ROBO2: variants seen among roughly 807,000 people sequenced by gnomAD.
The protein encoded by ROBO2 is roundabout homolog 2.
Under a neutral mutation model 160.8 loss-of-function variants are expected in ROBO2, and 53 were observed. The ratio of observed to expected loss-of-function variants is 0.33; its 90% confidence interval spans 0.26 to 0.41. The LOEUF (loss-of-function observed/expected upper bound fraction) is 0.41. Ranked by LOEUF, ROBO2 falls within the 10% of genes least tolerant of loss-of-function variation. The pLI is 1.00. For synonymous variants in ROBO2, 664 were observed against 611.7 expected (o/e 1.09, Z -1.26); for missense variants, 1,577 against 1,722.4 (o/e 0.92, Z 1.49).
intron 2 of ROBO2, among the ~76,000 whole-genome samples, chr3:76,755,781 C>CT (rs1222847130): frequency 6.6e-6 from 1 of 151,784 alleles, no homozygotes; most frequent in Non-Finnish European, 1.5e-5. Flanking sequence ...AATATTTGTA[C>CT]TTTATCTCTA....
chr3:76,940,113 C>T (rs1199687165), intron 2 of ROBO2, among the ~76,000 whole-genome samples: 2 of 151,904 alleles, frequency 1.3e-5, no homozygotes, highest in African/African-American at 4.8e-5. Context: ...TCCCGAGTAG[C>T]TGGGAATACA....
rs147895893 is a variant in ROBO2, at chr3:77,185,278, C to T, written c.388+86938C>T. The stretch of plus-strand genomic sequence containing the variant: ...ATATAGATAAAGTGGAGAATTATCT[C>T]TTTGGAATGGTTGTTACAGACAGAT... On this transcript the variant is annotated intron_variant, in intron 2 of 25. Coordinates refer to ENST00000461745, the Ensembl canonical transcript of ROBO2. 2.1e-3 allele frequency among the ~76,000 whole-genome samples: 318 copies of T among 151,898 alleles called. 1 individual carries two copies. The highest frequency in any genetic ancestry group is 7.3e-3 in the African/African-American group (301 of 41,458).
chr3:76,180,304 T>G (rs2107093830), intron 2 of ROBO2, among the ~76,000 whole-genome samples: 1 of 152,300 alleles, frequency 6.6e-6, no homozygotes, highest in African/African-American at 2.4e-5. Context: ...CTTGTTGAAC[T>G]GAAGTAAGTT....
At chr3:75,908,943 A>G (rs557042921) in intron 1 of ROBO2, among the ~76,000 whole-genome samples, 18 of 152,348 alleles carry the variant, frequency 1.2e-4, no homozygotes, top group African/African-American at 4.3e-4. Context: ...GTGAACTTGA[A>G]ATGCAGACAG....
chr3:77,317,066 G>C, intron 2 of ROBO2: 2 of 1,452,588 alleles, frequency 1.4e-6, no homozygotes, highest in South Asian at 2.3e-5. Context: ...GTAGTGTGAA[G>C]CTGGAATTCA....
At chr3:77,368,638 C>T (rs2071292728) in intron 2 of ROBO2, among the ~76,000 whole-genome samples, 1 of 152,174 alleles carries the variant, frequency 6.6e-6, no homozygotes, top group South Asian at 2.1e-4. Context: ...GGTGCAAACA[C>T]ATTTTACATG....
intron 2 of ROBO2, among the ~76,000 whole-genome samples, chr3:76,585,163 T>C (rs1210904109): frequency 6.6e-6 from 1 of 152,232 alleles, no homozygotes; most frequent in Non-Finnish European, 1.5e-5. Context: ...TTTCTGTTCA[T>C]GGATTTAGGC....
chr3:76,172,784 G>T (rs2073091068), intron 2 of ROBO2, among the ~76,000 whole-genome samples: 1 of 152,044 alleles, frequency 6.6e-6, no homozygotes, highest in Non-Finnish European at 1.5e-5. Context: ...TTAAAAAATA[G>T]AAATTCTTGC....
At chr3:77,390,520 G>A (rs1011363887) in intron 2 of ROBO2, among the ~76,000 whole-genome samples, 11 of 152,074 alleles carry the variant, frequency 7.2e-5, no homozygotes, top group Non-Finnish European at 1.5e-4. Context: ...AATCTCTCTC[G>A]CCTGCCACCA....
intron 2 of ROBO2, among the ~76,000 whole-genome samples, chr3:77,244,286 A>G (rs891268757): frequency 5.3e-5 from 8 of 152,228 alleles, no homozygotes; most frequent in Non-Finnish European, 1.2e-4. Flanking sequence ...AAAGAGATGA[A>G]CAAGACACAT....
chr3:76,112,435 A>G (rs772125513), intron 2 of ROBO2, among the ~76,000 whole-genome samples: 1 of 151,994 alleles, frequency 6.6e-6, no homozygotes, highest in Non-Finnish European at 1.5e-5. Flanking sequence ...ACCTCCTATA[A>G]CTGAATAATA....
chr3:77,589,697 C>G (rs754489614), intron 17 of ROBO2, among the ~76,000 whole-genome samples: 2 of 151,958 alleles, frequency 1.3e-5, no homozygotes, highest in Non-Finnish European at 2.9e-5. Context: ...AGAGGACACA[C>G]AAAATTGTAA....
At chr3:76,190,708 A>G (rs557177433) in intron 2 of ROBO2, among the ~76,000 whole-genome samples, 1 of 152,102 alleles carries the variant, frequency 6.6e-6, no homozygotes, top group Admixed American at 6.6e-5. Flanking sequence ...TACAAAATGC[A>G]TGAATATTAC....
intron 2 of ROBO2, among the ~76,000 whole-genome samples, chr3:76,524,391 G>A (rs1445993383): frequency 6.6e-6 from 1 of 151,902 alleles, no homozygotes; most frequent in Non-Finnish European, 1.5e-5. Context: ...CCCAAGGCAG[G>A]TATTTGATAT....
intron 2 of ROBO2, among the ~76,000 whole-genome samples, chr3:76,445,884 G>A (rs951746086): frequency 3.9e-5 from 6 of 152,036 alleles, no homozygotes; most frequent in East Asian, 3.9e-4. Flanking sequence ...CTGATGGGAC[G>A]TATCTCAAAA....
At position 77,137,740 on chromosome 3, in the gene ROBO2, C is replaced by T. The variant is rs139785548; in HGVS notation, c.388+39400C>T. ...CTGTGCTTGAGAGAAACTCCCCAGA[C>T]GACTGCCTGCCTGTAAGAGACAGTG... On this transcript the variant is annotated intron_variant, in intron 2 of 25. Coordinates refer to ENST00000461745, the Ensembl canonical transcript of ROBO2. 6.7e-3 allele frequency among the ~76,000 whole-genome samples: 1,021 copies of T among 152,288 alleles called. 7 individuals are homozygous for T. The highest frequency in any genetic ancestry group is 0.013 in the Admixed American group (202 of 15,302).
chr3:76,861,581 A>G (rs1231988117), intron 2 of ROBO2, among the ~76,000 whole-genome samples: 2 of 152,080 alleles, frequency 1.3e-5, no homozygotes, highest in Admixed American at 6.6e-5. Flanking sequence ...TCTACTGTCA[A>G]GTTTTCAAAT....
chr3:77,289,413 A>T (rs2060890168), intron 2 of ROBO2, among the ~76,000 whole-genome samples: 1 of 152,060 alleles, frequency 6.6e-6, no homozygotes, highest in Admixed American at 6.6e-5. Flanking sequence ...TTAAACGGGG[A>T]CACTGAGGCT....
chr3:76,169,805 G>C (rs539490289), intron 2 of ROBO2, among the ~76,000 whole-genome samples: 1 of 151,754 alleles, frequency 6.6e-6, no homozygotes, highest in Non-Finnish European at 1.5e-5. Flanking sequence ...TTTTTGAGAC[G>C]GAGCCTCACT....
Sources: allele counts gnomAD v4.1 joint callset (sites outside exome capture counted in the v4.1 genomes callset), GRCh38; gene constraint gnomAD v4.1.1; transcripts MANE v1.5; gene names NCBI Gene and HGNC (gene_info 2026-07-23, HGNC 2026-07-21).